CSDE1: variants seen among roughly 807,000 people sequenced by gnomAD.
The protein encoded by CSDE1 is cold shock domain-containing protein E1.
In CSDE1, 17 loss-of-function variants were observed where a neutral mutation model predicts 89.3. That is an observed-to-expected ratio of 0.19 (90% CI 0.13 to 0.29). The LOEUF is 0.29. CSDE1 is among the 10% of genes least tolerant of loss of function. The probability of loss-of-function intolerance (pLI) is 1.00; values close to 1 mark genes in which losing one functional copy is unlikely to be tolerated. For synonymous variants in CSDE1, 322 were observed against 332.8 expected, an observed-to-expected ratio of 0.97 and a Z score of 0.35; for missense variants, 672 against 984.2, an observed-to-expected ratio of 0.68 and a Z score of 4.24.
intron 4 of CSDE1, 57 bp from the exon 5 acceptor site, chr1:114,737,620 G>C: frequency 7.5e-7 from 1 of 1,330,002 alleles, no homozygotes; most frequent in Non-Finnish European, 1.1e-6. Flanking sequence ...GCAGCACTGT[G>C]CAATATAAAC....
chr1:114,720,749 T>C (rs977034430), intron 16 of CSDE1, 32 bp from the exon 17 acceptor site: 4 of 1,606,618 alleles, frequency 2.5e-6, no homozygotes, highest in East Asian at 2.2e-5. Flanking sequence ...TAAAAGCTAG[T>C]ATTTCACAAC....
At chr1:114,733,584 TTTTAG>T (rs1660226027) in intron 9 of CSDE1, 143 bp downstream of exon 9, 2 of 557,490 alleles carry the variant, frequency 3.6e-6, no homozygotes, top group Non-Finnish European at 5.8e-6. Flanking sequence ...CTGGTTTCTC[TTTTAG>T]TTTAAATATA....
Position 114,733,725 on chromosome 1 carries a change from T to G in CSDE1, c.837+7A>C. ...GAAATAGGACTCTCCTGAAAAAGAT[T>G]ATTTACCTGGTTTTTACTGGGTACT... On this transcript the variant is annotated splice_region_variant and intron_variant, in intron 9 of 19. Transcript: ENST00000358528. 10 of 1,612,444 alleles carry G rather than the reference T, an allele frequency of 6.2e-6. No individual in the cohort carries two copies. The highest frequency in any genetic ancestry group is 8.5e-6 in the Non-Finnish European group (10 of 1,179,396).
intron 1 of CSDE1, among the ~76,000 whole-genome samples, chr1:114,755,011 G>A (rs1240765025): frequency 2.0e-5 from 3 of 152,208 alleles, no homozygotes; most frequent in Non-Finnish European, 4.4e-5. Context: ...CCATATTACA[G>A]TCAAAAGAAA....
At chr1:114,740,328 T>C (rs1020773816) in intron 2 of CSDE1, among the ~76,000 whole-genome samples, 14 of 152,338 alleles carry the variant, frequency 9.2e-5, no homozygotes, top group African/African-American at 3.4e-4. Flanking sequence ...CTTAATACTG[T>C]TTAGTAAGTC....
intron 6 of CSDE1, 120 bp from the exon 7 acceptor site, chr1:114,734,643 A>G (rs1380836981): frequency 7.3e-6 from 5 of 687,614 alleles, no homozygotes; most frequent in Non-Finnish European, 1.2e-5. Context: ...TATCATCACT[A>G]AGAATAAATA....
chr1:114,734,783 T>C (rs2101044410), intron 6 of CSDE1, among the ~76,000 whole-genome samples: 1 of 150,392 alleles, frequency 6.6e-6, no homozygotes, highest in South Asian at 2.1e-4. Flanking sequence ...AAGATTTGCT[T>C]TTTTACAAAC....
chr1:114,723,136 C>T (rs1376266940), intron 16 of CSDE1, among the ~76,000 whole-genome samples: 7 of 152,102 alleles, frequency 4.6e-5, no homozygotes, highest in South Asian at 4.1e-4. Context: ...GGATTACAGG[C>T]GTGAACCACC....
At chr1:114,724,226 TAAATA>T in intron 15 of CSDE1, 1 of 348,964 alleles carries the variant, frequency 2.9e-6, no homozygotes, top group South Asian at 4.5e-5. Context: ...TAGAATTGTT[TAAATA>T]AAATTGTTTA....
intron 2 of CSDE1, among the ~76,000 whole-genome samples, chr1:114,741,890 A>C (rs1183838707): frequency 6.6e-6 from 1 of 152,176 alleles, no homozygotes; most frequent in Admixed American, 6.5e-5. Context: ...AAAATGCCAC[A>C]AAGACTCTTG....
At position 114,737,501 on chromosome 1, in the gene CSDE1, T is replaced by A; in HGVS notation, c.372A>T (p.Pro124=). The A allele has an allele frequency of 6.2e-7, 1 of 1,614,006 alleles. No homozygotes were observed. The change falls in exon 5 of 20, where the codon CCA becomes CCT. Residue 124 remains proline, a synonymous_variant. Coordinates refer to ENST00000358528, the MANE Select transcript of CSDE1 (RefSeq NM_001007553.3). ...TACGTTCGTAGCATACACTCCCTGT[T>A]GGACTCTGACCCGGGGCAGCTGGAG... ...SKSPAAPGQS[P]TGSVCYERNG... is the part of the protein sequence containing the mutation.
rs1468332214 is a variant in CSDE1 at position 114,717,101 on chromosome 1, T to G, written c.*1068A>C. On this transcript the variant is annotated 3_prime_UTR_variant, in exon 20 of 20. Coordinates refer to ENST00000358528, the MANE Select transcript of CSDE1 (RefSeq NM_001007553.3). ...CCCACATCCCCTGAGCTGACCCTTGTCATCTTAGACAAAGCCTTCAGTCCA... is the reference window on the plus strand; with the variant it reads ...CCCACATCCCCTGAGCTGACCCTTGGCATCTTAGACAAAGCCTTCAGTCCA... 1 of 152,692 alleles carries G rather than the reference T, an allele frequency of 6.5e-6. No homozygotes were observed. The highest frequency in any genetic ancestry group is 1.5e-5 in the Non-Finnish European group (1 of 68,136). 9.5% of individuals were successfully genotyped at this position (152,692 alleles called of 1,614,324 possible).
Position 114,739,578 on chromosome 1 carries a change from A to G in CSDE1, c.199+114T>C, listed in dbSNP as rs575558299. 4.7e-5 allele frequency: 40 copies of G among 843,826 alleles called. No homozygotes were observed. In the Middle Eastern group the frequency reaches 3.5e-3, roughly 73 times the overall value. 52.3% of individuals were successfully genotyped at this position (843,826 alleles called of 1,614,324 possible). Reference sequence around the variant, plus strand: ...TATTCTTCACTAAACAGTACAACTAAAAGTCCAAAATGTTTTAATTTACAT... The same window carrying G: ...TATTCTTCACTAAACAGTACAACTAGAAGTCCAAAATGTTTTAATTTACAT... On this transcript the variant is annotated intron_variant, in intron 3 of 19. Transcript: ENST00000358528.
chr1:114,737,547 G>C lies in CSDE1; in HGVS notation c.326C>G (p.Pro109Arg). The C allele has an allele frequency of 6.2e-7, 1 of 1,613,652 alleles. No individual in the cohort carries two copies. Among genetic ancestry groups the C allele is most frequent in the Non-Finnish European group, 8.5e-7 (1 of 1,179,892 alleles). ...TGGAGATTTACTCTCTAAGTTGTGA[G>C]GAACAGCGCACACAACCTACCAGTC... The part of the protein sequence containing the change: ...RMNGQVVCAV[P>R]HNLESKSPAA... The change falls in exon 5 of 20, where the codon CCT becomes CGT. Residue 109 changes from proline (P) to arginine (R), a missense_variant. Around this residue, in one of 8 missense-constraint regions of CSDE1, gnomAD observed 124 missense variants for 138.7 expected, o/e 0.89. Coordinates refer to ENST00000358528, the MANE Select transcript of CSDE1 (RefSeq NM_001007553.3).
Position 114,730,238 on chromosome 1 carries a change from T to C in CSDE1, c.1356+20A>G. ...AGAAATAAACAGCTACAAAAATCAT[T>C]TGGATTATGCAAAACCTACCTTCTC... On this transcript the variant is annotated intron_variant, in intron 12 of 19. Coordinates refer to ENST00000358528, the MANE Select transcript of CSDE1 (RefSeq NM_001007553.3). 6.2e-7 allele frequency: 1 copy of C among 1,608,462 alleles called. No homozygotes were observed. The highest frequency in any genetic ancestry group is 8.5e-7 in the Non-Finnish European group (1 of 1,178,164).
In CSDE1 at chr1:114,733,736, T is replaced by G. The variant is rs1244742778; in HGVS notation, c.833A>C (p.Asn278Thr). ...TKVIPKVPSK[N>T]QNDPLPGRIK... ...CTCCTGAAAAAGATTATTTACCTGG[T>G]TTTTACTGGGTACTTTTGGGATAAC... Residue 278 changes from asparagine (N) to threonine (T), a missense_variant, in exon 9 of 20, where the codon AAC (asparagine) becomes ACC (threonine). Coordinates refer to ENST00000358528, the MANE Select transcript of CSDE1 (RefSeq NM_001007553.3). 1 of 1,613,214 alleles carries G rather than the reference T, an allele frequency of 6.2e-7. No homozygotes were observed. The highest frequency in any genetic ancestry group is 2.2e-5 in the East Asian group (1 of 44,842).
chr1:114,725,838 G>C (rs968778772), intron 14 of CSDE1, among the ~76,000 whole-genome samples: 1 of 152,158 alleles, frequency 6.6e-6, no homozygotes, highest in Non-Finnish European at 1.5e-5. Context: ...GTTTCACCGT[G>C]TTGCTCAGGC....
intron 2 of CSDE1, 143 bp from the exon 3 acceptor site, chr1:114,740,033 C>T (rs1660635670): frequency 1.6e-6 from 1 of 617,190 alleles, no homozygotes; most frequent in Middle Eastern, 4.5e-4. Context: ...TTTATTACTG[C>T]AGCATTAATT....
chr1:114,756,351 T>C (rs1661596095), intron 1 of CSDE1, among the ~76,000 whole-genome samples: 1 of 152,208 alleles, frequency 6.6e-6, no homozygotes, highest in Non-Finnish European at 1.5e-5. Context: ...GCCAAATATT[T>C]ATCTAAGTTT....
Sources: gnomAD v4.1 joint callset for allele counts (sites outside exome capture counted in the v4.1 genomes callset) on GRCh38, gnomAD v4.1.1 for gene constraint, gnomAD v4.1.1 regional missense constraint, MANE v1.5 for transcripts, NCBI Gene and HGNC (gene_info 2026-07-23, HGNC 2026-07-21) for gene names.